EHMT2: variants seen among roughly 807,000 people sequenced by gnomAD.
EHMT2 encodes the protein histone-lysine N-methyltransferase EHMT2.
In EHMT2, 59 loss-of-function variants were observed where a neutral mutation model predicts 143.3. The ratio of observed to expected loss-of-function variants is 0.41; its 90% CI spans 0.33 to 0.51. The LOEUF is 0.51. Ranked by LOEUF, EHMT2 falls within the 20% of genes least tolerant of loss-of-function variation. EHMT2 has a pLI of 0.18. For missense variants in EHMT2, 1,174 were observed against 1,645.9 expected, an observed-to-expected ratio of 0.71 and a Z score of 4.96; for synonymous variants, 604 against 651.5, an observed-to-expected ratio of 0.93 and a Z score of 1.11.
Position 31,883,676 on chromosome 6 carries a change from C to G in EHMT2, c.2916+130G>C. 1 of 1,346,802 alleles carries G rather than the reference C, an allele frequency of 7.4e-7. No individual in the cohort carries two copies. The highest frequency in any genetic ancestry group is 1.0e-6 in the Non-Finnish European group (1 of 970,802). 83.4% of individuals were successfully genotyped at this position (1,346,802 alleles called of 1,614,324 possible). A position where few individuals can be genotyped will look rare whatever the true frequency, so the allele number is the denominator to read the frequency against. On this transcript the variant is annotated intron_variant, in intron 22 of 27. Transcript: ENST00000375537. This position sits in a 1 kb window ranked among gnomAD's most constrained non-coding sequence, Gnocchi z 5.6. Reference sequence around the variant, plus strand: ...AAGGATCCCTCCCCTGGTGGGGATGCGACCCCACACCAGGGCTCCCTTTCA... The same window carrying G: ...AAGGATCCCTCCCCTGGTGGGGATGGGACCCCACACCAGGGCTCCCTTTCA...
At chr6:31,882,496 G>T (rs1004238822) in intron 25 of EHMT2, among the ~76,000 whole-genome samples, 16 of 152,120 alleles carry the variant, frequency 1.1e-4, no homozygotes, top group African/African-American at 3.4e-4. Context: ...GTGGAGGCAG[G>T]TGCCATTCTC....
chr6:31,890,937 CA>C (rs1215356120), intron 7 of EHMT2, among the ~76,000 whole-genome samples: 6 of 150,298 alleles, frequency 4.0e-5, no homozygotes, highest in Admixed American at 2.7e-4. Flanking sequence ...AGACCTAAGA[CA>C]AAAAAAAATT....
chr6:31,891,711 AAG>A (rs1340818896), intron 7 of EHMT2, among the ~76,000 whole-genome samples: 6 of 152,250 alleles, frequency 3.9e-5, no homozygotes, highest in African/African-American at 7.2e-5. Context: ...AAACCAGACA[AAG>A]AGCAACGAAA....
At chr6:31,886,860 C>T (rs1764924907) in exon 17 of EHMT2, 7 of 1,614,202 alleles carry the variant, frequency 4.3e-6, no homozygotes, top group South Asian at 1.1e-5. Flanking sequence ...CAGTGGCGTC[C>T]GCTGCTGTTT....
chr6:31,884,403 C>A lies in EHMT2; in HGVS notation c.2760G>T (p.Lys920Asn). The stretch of plus-strand genomic sequence containing the variant: ...GGCCCAGGGCTCACCGGCAGATGAT[C>A]TTCTCTGTGCGGATGGCCCGATTTC... The change falls in exon 21 of 28, where the codon AAG becomes AAT. Residue 920 changes from lysine to asparagine, a missense_variant. Lys to Asn is a moderately conservative substitution (Grantham distance 94). Transcript: ENST00000375537. This position sits in a 1 kb window ranked among gnomAD's most constrained non-coding sequence, Gnocchi z 7.3. 6.2e-7 allele frequency: 1 copy of A among 1,612,040 alleles called. No individual in the cohort carries two copies. The highest frequency in any genetic ancestry group is 2.2e-5 in the East Asian group (1 of 44,872).
In EHMT2 at chr6:31,886,767, G is replaced by A. The variant is rs373110216; in HGVS notation, c.2241+8C>T. On this transcript the variant is annotated splice_region_variant and intron_variant, in intron 17 of 27. Coordinates refer to ENST00000375537, the Ensembl canonical transcript of EHMT2. The stretch of plus-strand genomic sequence containing the variant: ...CCGGGGGCCACGCCCTGCTGCCTGC[G>A]CGCACACCTTGCTATAGACACAGCC... 40 of 1,614,076 alleles carry A rather than the reference G, an allele frequency of 2.5e-5. No individual in the cohort carries two copies. Among genetic ancestry groups the A allele is most frequent in the South Asian group, 9.9e-5 (9 of 91,094 alleles).
chr6:31,886,475 G>T, intron 18 of EHMT2, 106 bp downstream of exon 18: 2 of 849,698 alleles, frequency 2.4e-6, no homozygotes, highest in Admixed American at 2.4e-5. Flanking sequence ...GGACAGACAC[G>T]AGCAGTGTGA....
At chr6:31,879,859 G>C (rs41267086) in exon 28 of EHMT2, 77 of 556,418 alleles carry the variant, frequency 1.4e-4, no homozygotes, top group African/African-American at 1.3e-4. Context: ...GGGAACACGG[G>C]GGGTGGCCAG....
rs370089567 is a variant in EHMT2, at chr6:31,883,446, C to T, written c.2917-7G>A. The T allele has an allele frequency of 4.3e-6, 7 of 1,611,036 alleles. No individual in the cohort carries two copies. Among genetic ancestry groups the T allele is most frequent in the Admixed American group, 3.3e-5 (2 of 59,744 alleles). ...CGTCCACACACGTGCAGTGCTGGGG[C>T]GAGGAGGCAGAGGTCAGCTCAACCC... On this transcript the variant is annotated splice_polypyrimidine_tract_variant and splice_region_variant and intron_variant, in intron 22 of 27. Transcript: ENST00000375537. This position sits in a 1 kb window ranked among gnomAD's most constrained non-coding sequence, Gnocchi z 5.6.
Position 31,881,404 on chromosome 6 carries a change from C to G in EHMT2, c.3198-312G>C. ...AGAGGTTTGTGTTCCAGGAGCCACC[C>G]GGCAGGAATGGGCGATATGGAACAG... On this transcript the variant is annotated intron_variant, in intron 25 of 27. Transcript: ENST00000375537. The surrounding 1 kb of genome is among the most constrained non-coding windows in gnomAD (Gnocchi z 4.8). 2.0e-6 allele frequency: 1 copy of G among 494,746 alleles called. No individual in the cohort carries two copies. The highest frequency in any genetic ancestry group is 3.7e-6 in the Non-Finnish European group (1 of 270,838). The allele number at this position is 494,746 out of a possible 1,614,324, so 30.6% of individuals were successfully genotyped here. A position where few individuals can be genotyped will look rare whatever the true frequency, so the allele number is the denominator to read the frequency against.
At chr6:31,886,604 C>G in exon 18 of EHMT2, 1 of 1,613,156 alleles carries the variant, frequency 6.2e-7, no homozygotes. Context: ...TCCACCTGTC[C>G]TGTGCTCAGC....
At position 31,888,014 on chromosome 6, in the gene EHMT2, G is replaced by A. The variant is rs756748133; in HGVS notation, c.1745+27C>T. The A allele has an allele frequency of 3.8e-5, 60 of 1,569,062 alleles. No homozygotes were observed. Among genetic ancestry groups the A allele is most frequent in the East Asian group, 4.6e-5 (2 of 43,900 alleles). Reference sequence around the variant, plus strand: ...AGCAATAGGGGTGGGGGAGGGAACAGACAGTACAGAAGGGGGAGGCCAGTA... The same window carrying A: ...AGCAATAGGGGTGGGGGAGGGAACAAACAGTACAGAAGGGGGAGGCCAGTA... On this transcript the variant is annotated intron_variant, in intron 13 of 27. Transcript: ENST00000375537. This position sits in a 1 kb window ranked among gnomAD's most constrained non-coding sequence, Gnocchi z 7.4.
chr6:31,896,680 G>A (rs1468786970), exon 3 of EHMT2: 5 of 1,609,452 alleles, frequency 3.1e-6, no homozygotes, highest in Admixed American at 1.7e-5. Flanking sequence ...GAGTGGTGTA[G>A]CCCCTACAGG....
chr6:31,884,906 A>G lies in EHMT2; in HGVS notation c.2448+6T>C. The G allele has an allele frequency of 6.3e-7, 1 of 1,597,100 alleles. No individual in the cohort carries two copies. Among genetic ancestry groups the G allele is most frequent in the East Asian group, 2.3e-5 (1 of 44,352 alleles). On this transcript the variant is annotated splice_donor_region_variant and intron_variant, in intron 19 of 27. Transcript: ENST00000375537. This position sits in a 1 kb window ranked among gnomAD's most constrained non-coding sequence, Gnocchi z 7.3. Reference sequence around the variant, plus strand: ...GCTGCCCTACCTCAACCAAACGCTCACTCACGTTGTCAGTGAGGGTGACGT... The same window carrying G: ...GCTGCCCTACCTCAACCAAACGCTCGCTCACGTTGTCAGTGAGGGTGACGT...
At chr6:31,879,870 C>T in exon 28 of EHMT2, 1 of 584,084 alleles carries the variant, frequency 1.7e-6, no homozygotes, top group Non-Finnish European at 3.0e-6. Context: ...GGGTGGCCAG[C>T]CCTGAAGTTG....
In EHMT2 at chr6:31,889,552, T is replaced by TTCC; in HGVS notation, c.912_914dup (p.Glu323dup). The TTCC allele has an allele frequency of 6.2e-7, 1 of 1,611,344 alleles. No homozygotes were observed. The highest frequency in any genetic ancestry group is 8.5e-7 in the Non-Finnish European group (1 of 1,179,476). ...CTTCCTCTTCTTCTTCTTCCTCCTC[T>TTCC]TCCTCCTCCTCCTCTTCACTTAGTT... On this transcript the variant is annotated inframe_insertion, in exon 8 of 28. Transcript: ENST00000375537. The surrounding 1 kb of genome is among the most constrained non-coding windows in gnomAD (Gnocchi z 5.1).
Position 31,896,993 on chromosome 6 carries a change from G to C in EHMT2, c.43-4C>G. 1.9e-6 allele frequency: 3 copies of C among 1,564,744 alleles called. No homozygotes were observed. Among genetic ancestry groups the C allele is most frequent in the Non-Finnish European group, 2.6e-6 (3 of 1,159,958 alleles). Reference sequence around the variant, plus strand: ...CCATCTCAGCGGGGGCCTCCCCCTGGGAGGGGAGACAAGGGACAGGAGGGC... The same window carrying C: ...CCATCTCAGCGGGGGCCTCCCCCTGCGAGGGGAGACAAGGGACAGGAGGGC... On this transcript the variant is annotated splice_polypyrimidine_tract_variant and splice_region_variant and intron_variant, in intron 1 of 27. Coordinates refer to ENST00000375537, the Ensembl canonical transcript of EHMT2.
rs148382906 is a variant in EHMT2, at chr6:31,884,728, C to T, written c.2520G>A (p.Ala840=). ...AGTTGACAGCATGGAGGTCACAGCG[C>T]GCATTCAGAAGGACTTCGGCGATGG... is the stretch of plus-strand genomic sequence containing the variant. Residue 840 remains alanine (A), a synonymous_variant, in exon 20 of 28, where the codon GCG becomes GCA. Transcript: ENST00000375537. This position sits in a 1 kb window ranked among gnomAD's most constrained non-coding sequence, Gnocchi z 7.3. 31 of 1,599,472 alleles carry T rather than the reference C, an allele frequency of 1.9e-5. No individual in the cohort carries two copies. Among genetic ancestry groups the T allele is most frequent in the Admixed American group, 5.2e-5 (3 of 57,252 alleles).
intron 2 of EHMT2, 40 bp downstream of exon 2, chr6:31,896,883 A>T (rs1467157819): frequency 1.2e-6 from 2 of 1,611,608 alleles, no homozygotes; most frequent in African/African-American, 1.3e-5. Flanking sequence ...TGTTTAGGGA[A>T]GGTGACGGTC....
Sources: gnomAD v4.1 joint callset for allele counts (sites outside exome capture counted in the v4.1 genomes callset) on GRCh38, gnomAD v4.1.1 for gene constraint, Gnocchi (gnomAD v3.1) non-coding constraint, MANE v1.5 for transcripts, NCBI Gene and HGNC (gene_info 2026-07-23, HGNC 2026-07-21) for gene names.